JARID2: variants seen among roughly 807,000 people sequenced by gnomAD.
JARID2 encodes jumonji and AT-rich interaction domain containing 2, also known as protein Jumonji.
A neutral mutation model predicts 125.6 loss-of-function variants in JARID2; 21 were observed. The observed-to-expected ratio is 0.17, with a 90% CI of 0.12 to 0.24. The LOEUF (loss-of-function observed/expected upper bound fraction) is 0.24, where lower values mean the gene tolerates loss of function less well. Among genes scored for constraint, JARID2 ranks in the 10% least tolerant of loss-of-function variants. The pLI, the probability that JARID2 is intolerant of heterozygous loss-of-function variation, is 1.00. For synonymous variants in JARID2, 736 were observed against 661.6 expected (o/e 1.11, Z -1.73); for missense variants, 1,303 against 1,639.6 (o/e 0.79, Z 3.55).
chr6:15,442,041 A>G (rs772951058), intron 3 of JARID2, among the ~76,000 whole-genome samples: 16 of 151,266 alleles, frequency 1.1e-4, no homozygotes, highest in Non-Finnish European at 2.1e-4. Context: ...CCTGGCCTGG[A>G]TTTTTATTTT....
intron 1 of JARID2, among the ~76,000 whole-genome samples, chr6:15,263,594 T>C (rs2127331901): frequency 6.7e-6 from 1 of 149,972 alleles, no homozygotes; most frequent in South Asian, 2.1e-4. Context: ...TCAGACAATT[T>C]TTTTTTTTTT....
At chr6:15,512,179 G>T in intron 13 of JARID2, 29 bp from the exon 14 acceptor site, 2 of 1,604,422 alleles carry the variant, frequency 1.2e-6, no homozygotes, top group South Asian at 1.1e-5. Context: ...CACAGGGAGG[G>T]GTGCCTCAGC....
intron 13 of JARID2, 31 bp from the exon 14 acceptor site, chr6:15,512,177 G>T: frequency 1.2e-6 from 2 of 1,603,144 alleles, no homozygotes; most frequent in Non-Finnish European, 1.7e-6. Flanking sequence ...CGCACAGGGA[G>T]GGGTGCCTCA....
intron 1 of JARID2, among the ~76,000 whole-genome samples, chr6:15,342,792 C>T (rs1763111752): frequency 6.6e-6 from 1 of 152,124 alleles, no homozygotes; most frequent in Admixed American, 6.6e-5. Context: ...CCTTTTCCCA[C>T]CTCGTTATTT....
At chr6:15,478,184 A>G (rs1347693443) in intron 5 of JARID2, among the ~76,000 whole-genome samples, 1 of 152,234 alleles carries the variant, frequency 6.6e-6, no homozygotes, top group East Asian at 1.9e-4. Flanking sequence ...ACAGGCAGCT[A>G]GAAGATGGTG....
chr6:15,430,190 C>T (rs922037223), intron 3 of JARID2, among the ~76,000 whole-genome samples: 1 of 152,164 alleles, frequency 6.6e-6, no homozygotes, highest in Non-Finnish European at 1.5e-5. Flanking sequence ...ATATATCTGA[C>T]GTTCTTGCTA....
intron 8 of JARID2, among the ~76,000 whole-genome samples, chr6:15,501,972 G>A (rs1770760383): frequency 6.6e-6 from 1 of 152,138 alleles, no homozygotes; most frequent in Admixed American, 6.5e-5. Flanking sequence ...CTGTGCGCTT[G>A]TTTTCTCTGT....
In JARID2 at chr6:15,496,783, G is replaced by T. The variant is rs200722144; in HGVS notation, c.1558G>T (p.Ala520Ser). ...ACAAGCACATGGCAAGGCGGACAGC[G>T]CCTCCTGTGAAAATCGTTCTACCTC... ...GRQAHGKADSASCENRSTSQP... is the reference protein window; with the variant it reads ...GRQAHGKADSSSCENRSTSQP... The change falls in exon 7 of 18, where the codon GCC becomes TCC. Residue 520 changes from alanine to serine, a missense_variant. Coordinates refer to ENST00000341776, the MANE Select transcript of JARID2 (RefSeq NM_004973.4). The T allele has an allele frequency of 6.2e-7, 1 of 1,612,002 alleles. No homozygotes were observed. Among genetic ancestry groups the T allele is most frequent in the East Asian group, 2.2e-5 (1 of 44,838 alleles).
chr6:15,353,614 G>T (rs1032918770), intron 1 of JARID2, among the ~76,000 whole-genome samples: 5 of 146,260 alleles, frequency 3.4e-5, no homozygotes, highest in African/African-American at 1.2e-4. Context: ...TTAGGAGCCT[G>T]TCACATTAGA....
At chr6:15,306,224 C>T (rs1161714330) in intron 1 of JARID2, among the ~76,000 whole-genome samples, 1 of 151,704 alleles carries the variant, frequency 6.6e-6, no homozygotes, top group South Asian at 2.1e-4. Flanking sequence ...CCTTTGGTGT[C>T]GAGTTCATCA....
intron 2 of JARID2, among the ~76,000 whole-genome samples, chr6:15,383,851 A>G (rs370387973): frequency 2.0e-5 from 3 of 152,194 alleles, no homozygotes; most frequent in South Asian, 2.1e-4. Context: ...CTGGAGTGCA[A>G]TGGCACGACC....
At position 15,273,446 on chromosome 6, in the gene JARID2, A is replaced by G. The variant is rs1174597053; in HGVS notation, c.45+26862A>G. Among the ~76,000 whole-genome samples, 3 of 152,378 alleles carry G rather than the reference A, an allele frequency of 2.0e-5. No homozygotes were observed. The South Asian group carries it at 6.2e-4, about 32-fold the overall frequency. On this transcript the variant is annotated intron_variant, in intron 1 of 17. Transcript: ENST00000341776. ...GCCAGATGTGGTGGCTCACGCCTGT[A>G]ATCCCAGGACTTTGGGAGGCCAAGG...
chr6:15,382,050 G>A lies in JARID2; in HGVS notation c.181+7798G>A, dbSNP rs186214564. Among the ~76,000 whole-genome samples the A allele has an allele frequency of 4.6e-3, 705 of 152,310 alleles. 7 individuals are homozygous for A. Among genetic ancestry groups the A allele is most frequent in the African/African-American group, 0.016 (674 of 41,574 alleles). On this transcript the variant is annotated intron_variant, in intron 2 of 17. Transcript: ENST00000341776. ...TGTAATCCCAGCACTTTGGGAGGCC[G>A]AGGCGGGCGGATCATGAGCCTGGCC...
chr6:15,253,684 C>T (rs1417662038), intron 1 of JARID2, among the ~76,000 whole-genome samples: 1 of 152,042 alleles, frequency 6.6e-6, no homozygotes, highest in Non-Finnish European at 1.5e-5. Flanking sequence ...GGGTGCTGCC[C>T]ACCTCTACTG....
intron 3 of JARID2, among the ~76,000 whole-genome samples, chr6:15,420,342 G>T (rs976542006): frequency 9.9e-5 from 15 of 151,366 alleles, no homozygotes; most frequent in Non-Finnish European, 1.5e-5. Flanking sequence ...GGCGGAGGTT[G>T]CAGTGAGCCA....
At chr6:15,444,399 C>A (rs1767576478) in intron 3 of JARID2, among the ~76,000 whole-genome samples, 1 of 152,158 alleles carries the variant, frequency 6.6e-6, no homozygotes. Flanking sequence ...TGTTTACAAC[C>A]ATTCTGTGTG....
At chr6:15,452,232 G>T (rs1440066141) in intron 4 of JARID2, 57 bp downstream of exon 4, 47 of 1,592,734 alleles carry the variant, frequency 3.0e-5, no homozygotes, top group South Asian at 1.1e-4. Flanking sequence ...TAAGCCTGAG[G>T]TCTACGTGGA....
At chr6:15,311,205 A>G (rs1236961569) in intron 1 of JARID2, among the ~76,000 whole-genome samples, 1 of 152,212 alleles carries the variant, frequency 6.6e-6, no homozygotes, top group Non-Finnish European at 1.5e-5. Context: ...AACCCCTAGC[A>G]GTGCCCATCA....
chr6:15,517,023 C>G (rs1771593633), intron 16 of JARID2, 138 bp from the exon 17 acceptor site: 1 of 641,010 alleles, frequency 1.6e-6, no homozygotes, highest in African/African-American at 1.8e-5. Flanking sequence ...AGCCCTTGGC[C>G]CGGGTGGTGG....
Sources: gnomAD v4.1 joint callset for allele counts (sites outside exome capture counted in the v4.1 genomes callset) on GRCh38, gnomAD v4.1.1 for gene constraint, MANE v1.5 for transcripts, NCBI Gene and HGNC (gene_info 2026-07-23, HGNC 2026-07-21) for gene names.